The following ZNF362 variants were observed in gnomAD, a reference collection of about 807,000 sequenced individuals.
ZNF362 encodes the protein rotund homolog.
ZNF362 carries 11 observed loss-of-function variants against 42.9 expected under a neutral mutation model. The observed-to-expected ratio is 0.26, with a 90% CI of 0.16 to 0.42. The LOEUF is 0.42. Ranked by LOEUF, ZNF362 falls within the 20% of genes least tolerant of loss-of-function variation. ZNF362 has a pLI of 1.00. For missense variants in ZNF362, 362 were observed against 576.2 expected (o/e 0.63, Z 3.81); for synonymous variants, 255 against 257.3 (o/e 0.99, Z 0.09).
chr1:33,253,873 T>C (rs1406819174), upstream of ZNF362, among the ~76,000 whole-genome samples: 1 of 152,206 alleles, frequency 6.6e-6, no homozygotes, highest in Non-Finnish European at 1.5e-5. Flanking sequence ...TAATTAAAGG[T>C]ATTAATTTTA....
At chr1:33,137,231 G>T in the ZNF362 span, among the ~76,000 whole-genome samples, 1 of 152,130 alleles carries the variant, frequency 6.6e-6, no homozygotes, top group Non-Finnish European at 1.5e-5. Context: ...AGGAGCACAG[G>T]TTTGGGAGTC....
At chr1:33,227,024 A>T in the ZNF362 span, among the ~76,000 whole-genome samples, 1 of 152,178 alleles carries the variant, frequency 6.6e-6, no homozygotes, top group Non-Finnish European at 1.5e-5. Context: ...GGCTGAGGGA[A>T]GGGATGAGAA....
chr1:33,148,218 C>T, the ZNF362 span, among the ~76,000 whole-genome samples: 1 of 152,118 alleles, frequency 6.6e-6, no homozygotes, highest in African/African-American at 2.4e-5. Flanking sequence ...AAGTTCTGCC[C>T]CACACCTTCC....
intron 2 of ZNF362, 149 bp downstream of exon 2, chr1:33,270,761 T>C (rs1410735284): frequency 2.8e-6 from 4 of 1,424,806 alleles, no homozygotes; most frequent in Middle Eastern, 2.2e-4. Context: ...TACCCTCCTG[T>C]AGCGGCCTCC....
the ZNF362 span, among the ~76,000 whole-genome samples, chr1:33,247,345 C>G: frequency 6.6e-6 from 1 of 152,236 alleles, no homozygotes; most frequent in Non-Finnish European, 1.5e-5. Flanking sequence ...ACCACCCAAA[C>G]CACACAGCGT....
chr1:33,298,830 C>A, intron 8 of ZNF362, 100 bp from the exon 9 acceptor site: 1 of 994,766 alleles, frequency 1.0e-6, no homozygotes, highest in South Asian at 1.3e-5. Context: ...CCCTCTGAAC[C>A]GCCTACCAAG....
At chr1:33,243,030 G>C in the ZNF362 span, among the ~76,000 whole-genome samples, 151,137 of 152,220 alleles carry the variant, frequency 0.99, 75,042 homozygotes, top group Middle Eastern at 1. Context: ...TATTTTTTTC[G>C]CAATGACAAT....
the ZNF362 span, among the ~76,000 whole-genome samples, chr1:33,203,244 G>A: frequency 6.6e-5 from 10 of 151,842 alleles, 2 homozygotes; most frequent in Admixed American, 2.0e-4. Context: ...TCTGTGTTTG[G>A]CTTATTTCAT....
the ZNF362 span, among the ~76,000 whole-genome samples, chr1:33,236,550 A>AATATATATATATATATAT: frequency 5.9e-3 from 35 of 5,964 alleles, 6 homozygotes; most frequent in Non-Finnish European, 8.5e-3. Flanking sequence ...AAAAAAAAAA[A>AATATATATATATATATAT]ATATATATAT....
the ZNF362 span, among the ~76,000 whole-genome samples, chr1:33,177,804 C>T: frequency 6.6e-6 from 1 of 152,154 alleles, no homozygotes; most frequent in Non-Finnish European, 1.5e-5. The surrounding 1 kb of genome is among the most constrained non-coding windows in gnomAD (Gnocchi z 4.1). Flanking sequence ...ACGATGTAAC[C>T]TACTATAGCT....
the ZNF362 span, among the ~76,000 whole-genome samples, chr1:33,154,755 G>A: frequency 1.1e-4 from 16 of 147,350 alleles, no homozygotes; most frequent in African/African-American, 3.0e-4. Context: ...CCGAGATCAC[G>A]CCACTGCACT....
At chr1:33,279,097 T>C (rs1278172184) in intron 4 of ZNF362, among the ~76,000 whole-genome samples, 3 of 152,216 alleles carry the variant, frequency 2.0e-5, no homozygotes, top group African/African-American at 4.8e-5. Context: ...TGATCATGGC[T>C]CACTGAAGCC....
chr1:33,291,174 C>A lies in ZNF362; in HGVS notation c.909-3763C>A, dbSNP rs545481854. ...TCCTGAATGGTAATGCCTAGGTTTT[C>A]TTCTAGGGTTTTTATGGTTTTAGGT... is the stretch of plus-strand genomic sequence containing the variant. On this transcript the variant is annotated intron_variant, in intron 6 of 8. Transcript: ENST00000539719. Among the ~76,000 whole-genome samples, 390 of 152,230 alleles carry A rather than the reference C, an allele frequency of 2.6e-3. 2 individuals are homozygous for A. The highest frequency in any genetic ancestry group is 9.1e-3 in the African/African-American group (376 of 41,518).
At chr1:33,208,876 A>G in the ZNF362 span, among the ~76,000 whole-genome samples, 1 of 152,178 alleles carries the variant, frequency 6.6e-6, no homozygotes. Flanking sequence ...AAACAGAGAC[A>G]ATTTGATTTC....
the ZNF362 span, among the ~76,000 whole-genome samples, chr1:33,231,614 C>T: frequency 6.6e-6 from 1 of 152,184 alleles, no homozygotes; most frequent in Non-Finnish European, 1.5e-5. Flanking sequence ...TGTCATTTTA[C>T]ACATGCCTGT....
At chr1:33,158,726 A>G in the ZNF362 span, among the ~76,000 whole-genome samples, 2 of 152,192 alleles carry the variant, frequency 1.3e-5, no homozygotes, top group Non-Finnish European at 2.9e-5. Flanking sequence ...TGTTATTACT[A>G]CTAAGGGAAG....
the ZNF362 span, among the ~76,000 whole-genome samples, chr1:33,133,902 G>A: frequency 6.6e-6 from 1 of 152,354 alleles, no homozygotes; most frequent in East Asian, 1.9e-4. Flanking sequence ...GGACCCAAAG[G>A]GAGAGATGTG....
chr1:33,146,233 C>T, the ZNF362 span: 1 of 222,770 alleles, frequency 4.5e-6, no homozygotes, highest in Non-Finnish European at 9.1e-6. Flanking sequence ...ACAAGTGGCT[C>T]TTGTTTTCTG....
At chr1:33,179,988 T>TTTTG in the ZNF362 span, among the ~76,000 whole-genome samples, 7 of 152,120 alleles carry the variant, frequency 4.6e-5, no homozygotes, top group Non-Finnish European at 8.8e-5. Flanking sequence ...GTTCTAATGT[T>TTTTG]TTTGTTTGTT....
Sources: allele counts gnomAD v4.1 joint callset (sites outside exome capture counted in the v4.1 genomes callset), GRCh38; gene constraint gnomAD v4.1.1; non-coding constraint Gnocchi (gnomAD v3.1); transcripts MANE v1.5; gene names NCBI Gene and HGNC (gene_info 2026-07-23, HGNC 2026-07-21).